The following THSD4 variants were observed in gnomAD, a reference collection of about 807,000 sequenced individuals.
THSD4 encodes the protein thrombospondin type 1 domain containing 4.
In THSD4, 69 loss-of-function variants were observed where a neutral mutation model predicts 119.0. That is an observed-to-expected ratio of 0.58 (90% CI 0.48 to 0.71). THSD4 has a LOEUF of 0.71. Ranked by LOEUF, THSD4 falls within the 30% of genes least tolerant of loss-of-function variation. THSD4 has a pLI of 0.00. For synonymous variants in THSD4, 524 were observed against 540.4 expected (o/e 0.97, Z 0.42); for missense variants, 1,393 against 1,391.1 (o/e 1.00, Z -0.02).
At chr15:71,138,656 C>A (rs138158978) in intron 1 of THSD4, among the ~76,000 whole-genome samples, 6 of 152,228 alleles carry the variant, frequency 3.9e-5, no homozygotes, top group Middle Eastern at 3.4e-3. Flanking sequence ...TTCCCTCCCC[C>A]CTCCACAAGG....
chr15:71,518,023 T>G (rs890589994), intron 7 of THSD4, among the ~76,000 whole-genome samples: 1 of 152,212 alleles, frequency 6.6e-6, no homozygotes, highest in African/African-American at 2.4e-5. Flanking sequence ...GCCTTCTCTT[T>G]GTTTTAATTA....
At chr15:71,499,473 G>A (rs1370447762) in intron 7 of THSD4, among the ~76,000 whole-genome samples, 1 of 147,410 alleles carries the variant, frequency 6.8e-6, no homozygotes, top group African/African-American at 2.6e-5. Context: ...TTAGGTGTTT[G>A]GCACAATTGT....
intron 6 of THSD4, among the ~76,000 whole-genome samples, chr15:71,326,623 G>A (rs1312287215): frequency 2.3e-5 from 3 of 128,546 alleles, no homozygotes; most frequent in Non-Finnish European, 4.8e-5. Context: ...GCAGTGAGCC[G>A]AGATCACGCC....
At chr15:71,283,982 C>T (rs2044685637) in intron 6 of THSD4, among the ~76,000 whole-genome samples, 1 of 152,100 alleles carries the variant, frequency 6.6e-6, no homozygotes, top group Non-Finnish European at 1.5e-5. Flanking sequence ...TATCTCTTGC[C>T]AGAATTTCAC....
At chr15:71,111,285 G>A (rs371416261), upstream of THSD4, 91 of 1,613,990 alleles carry the variant, frequency 5.6e-5, no homozygotes, top group South Asian at 1.5e-4. Flanking sequence ...TTGACATTCC[G>A]TCTGGAAACC....
chr15:71,384,361 G>T (rs1405541643), intron 6 of THSD4, among the ~76,000 whole-genome samples: 1 of 151,662 alleles, frequency 6.6e-6, no homozygotes, highest in Non-Finnish European at 1.5e-5. Flanking sequence ...CTGGGCAACG[G>T]TACAGAGCAA....
intron 3 of THSD4, chr15:71,172,064 G>T (rs781538555): frequency 1.3e-5 from 2 of 152,020 alleles, no homozygotes; most frequent in East Asian, 3.9e-4. Context: ...TTCAAATATC[G>T]CCTGTAATCC....
intron 1 of THSD4, among the ~76,000 whole-genome samples, chr15:71,105,192 A>T (rs1224968910): frequency 6.6e-6 from 1 of 152,184 alleles, no homozygotes; most frequent in Non-Finnish European, 1.5e-5. Context: ...GTCAATCACC[A>T]GGCCAGGTCT....
intron 8 of THSD4, among the ~76,000 whole-genome samples, chr15:71,693,418 G>A (rs1309975223): frequency 6.6e-6 from 1 of 152,188 alleles, no homozygotes; most frequent in African/African-American, 2.4e-5. Context: ...AGGCCAAGGT[G>A]GGCAGATTGC....
chr15:71,532,849 C>G (rs2048635860), intron 7 of THSD4, among the ~76,000 whole-genome samples: 2 of 152,048 alleles, frequency 1.3e-5, no homozygotes, highest in South Asian at 4.1e-4. Flanking sequence ...GTGTTGAAGA[C>G]CCTTGGAAGA....
At chr15:71,596,883 G>A (rs2049916160) in intron 7 of THSD4, among the ~76,000 whole-genome samples, 1 of 152,204 alleles carries the variant, frequency 6.6e-6, no homozygotes, top group Non-Finnish European at 1.5e-5. Context: ...GGCTTGGAAT[G>A]CTGTTGTTTA....
intron 7 of THSD4, among the ~76,000 whole-genome samples, chr15:71,522,660 G>T (rs2048459964): frequency 6.6e-6 from 1 of 152,224 alleles, no homozygotes; most frequent in Non-Finnish European, 1.5e-5. Context: ...TAAATGTGGG[G>T]TGAAGAAATA....
intron 3 of THSD4, among the ~76,000 whole-genome samples, chr15:71,207,017 T>G (rs2043849487): frequency 6.6e-6 from 1 of 152,170 alleles, no homozygotes; most frequent in Non-Finnish European, 1.5e-5. Context: ...TCGTTATAAG[T>G]TTATATTTGA....
intron 8 of THSD4, among the ~76,000 whole-genome samples, chr15:71,669,487 C>A (rs1020968667): frequency 2.0e-5 from 3 of 152,134 alleles, no homozygotes; most frequent in African/African-American, 7.2e-5. Flanking sequence ...CACAGGTATA[C>A]ACAATTCTGT....
intron 6 of THSD4, among the ~76,000 whole-genome samples, chr15:71,380,314 T>C (rs1277455914): frequency 6.6e-6 from 1 of 152,094 alleles, no homozygotes; most frequent in Non-Finnish European, 1.5e-5. Context: ...TAAAAGGACT[T>C]ATTTGGTCTC....
chr15:71,652,319 T>C (rs751413241), intron 7 of THSD4, among the ~76,000 whole-genome samples: 3 of 152,164 alleles, frequency 2.0e-5, no homozygotes, highest in Non-Finnish European at 4.4e-5. Context: ...GCCAGACATA[T>C]TATGATCTCT....
chr15:71,428,837 C>A (rs1185050280), intron 7 of THSD4, among the ~76,000 whole-genome samples: 1 of 152,180 alleles, frequency 6.6e-6, no homozygotes, highest in Non-Finnish European at 1.5e-5. Context: ...CAAGCCAATT[C>A]ATATTATCTT....
chr15:71,619,876 G>A lies in THSD4; in HGVS notation c.1153-40654G>A, dbSNP rs971531679. Among the ~76,000 whole-genome samples, 47 of 152,246 alleles carry A rather than the reference G, an allele frequency of 3.1e-4. 1 individual carries two copies. Among genetic ancestry groups the A allele is most frequent in the African/African-American group, 8.7e-4 (36 of 41,544 alleles). ...TTGGTGATCCTGACCAAGGTTTGAC[G>A]TTGTTTAACTATTTCTTAATATTTC... On this transcript the variant is annotated intron_variant, in intron 7 of 17. Coordinates refer to ENST00000261862, the MANE Select transcript of THSD4 (RefSeq NM_024817.3).
At chr15:71,234,490 G>A (rs1476821888) in intron 4 of THSD4, among the ~76,000 whole-genome samples, 1 of 152,182 alleles carries the variant, frequency 6.6e-6, no homozygotes, top group Non-Finnish European at 1.5e-5. Context: ...ATTTTTAGTA[G>A]AGATGGGGTT....
Sources: allele counts gnomAD v4.1 joint callset (sites outside exome capture counted in the v4.1 genomes callset), GRCh38; gene constraint gnomAD v4.1.1; transcripts MANE v1.5; gene names NCBI Gene and HGNC (gene_info 2026-07-23, HGNC 2026-07-21).